The following PGS1 variants were observed in gnomAD, a reference collection of about 807,000 sequenced individuals.
PGS1 encodes phosphatidylglycerophosphate synthase 1.
A neutral mutation model predicts 58.3 loss-of-function variants in PGS1; 44 were observed. The observed-to-expected ratio is 0.75, with a 90% CI of 0.59 to 0.97. PGS1 has a LOEUF of 0.97. Ranked by LOEUF, PGS1 falls within the 50% of genes least tolerant of loss-of-function variation. The pLI, the probability that PGS1 is intolerant of heterozygous loss-of-function variation, is 0.00. For missense variants in PGS1, 684 were observed against 731.1 expected, an observed-to-expected ratio of 0.94 and a Z score of 0.74; for synonymous variants, 330 against 311.0, an observed-to-expected ratio of 1.06 and a Z score of -0.64.
chr17:78,401,878 A>G (rs1390021743), intron 6 of PGS1, among the ~76,000 whole-genome samples: 2 of 152,160 alleles, frequency 1.3e-5, no homozygotes. Flanking sequence ...CTGACCCTTA[A>G]AGAAAATGTG....
At chr17:78,423,211 C>T (rs1157157324) in intron 9 of PGS1, among the ~76,000 whole-genome samples, 3 of 152,138 alleles carry the variant, frequency 2.0e-5, no homozygotes, top group Non-Finnish European at 4.4e-5. Flanking sequence ...TAATTCTCTC[C>T]CCTCGTGCCT....
intron 9 of PGS1, among the ~76,000 whole-genome samples, chr17:78,422,122 T>C (rs1411888598): frequency 6.6e-6 from 1 of 152,234 alleles, no homozygotes; most frequent in East Asian, 1.9e-4. Flanking sequence ...CGTCACATTT[T>C]GTGGTTATTA....
Position 78,419,695 on chromosome 17 carries a change from C to G in PGS1, c.*10+20C>G, listed in dbSNP as rs141200183. On this transcript the variant is annotated intron_variant, in intron 9 of 9. Coordinates refer to ENST00000262764, the MANE Select transcript of PGS1 (RefSeq NM_024419.5). Reference sequence around the variant, plus strand: ...AGACAGGTGCTGTCTCTAGCATCACCTCTCAGCACGATTTTCCCGAGAGTT... The same window carrying G: ...AGACAGGTGCTGTCTCTAGCATCACGTCTCAGCACGATTTTCCCGAGAGTT... 17 of 1,612,054 alleles carry G rather than the reference C, an allele frequency of 1.1e-5. No individual in the cohort carries two copies. Among genetic ancestry groups the G allele is most frequent in the East Asian group, 2.2e-5 (1 of 44,822 alleles).
Position 78,390,457 on chromosome 17 carries a change from C to A in PGS1, c.144-2019C>A, listed in dbSNP as rs1323338942. ...TGGCAGTGAATCGGCAGTGACAGAC[C>A]GGTGGGCTTTCTGGGAAGTGCAGCT... is the stretch of plus-strand genomic sequence containing the variant. On this transcript the variant is annotated intron_variant, in intron 1 of 9. Coordinates refer to ENST00000262764, the MANE Select transcript of PGS1 (RefSeq NM_024419.5). 4.6e-5 allele frequency among the ~76,000 whole-genome samples: 7 copies of A among 152,184 alleles called. 2 individuals are homozygous for A. Among genetic ancestry groups the A allele is most frequent in the Admixed American group, 4.6e-4 (7 of 15,278 alleles).
At chr17:78,386,444 C>T (rs2082390326) in intron 1 of PGS1, among the ~76,000 whole-genome samples, 1 of 152,104 alleles carries the variant, frequency 6.6e-6, no homozygotes, top group South Asian at 2.1e-4. Flanking sequence ...TATCTGACTC[C>T]CCAGCCCCCA....
chr17:78,406,839 C>T (rs547014619), intron 7 of PGS1, among the ~76,000 whole-genome samples: 27 of 152,324 alleles, frequency 1.8e-4, no homozygotes, highest in Middle Eastern at 3.4e-3. Context: ...CTGCACTGTG[C>T]TGGAACGATG....
chr17:78,412,554 C>A (rs989873992), intron 7 of PGS1, among the ~76,000 whole-genome samples: 15 of 152,276 alleles, frequency 9.9e-5, no homozygotes, highest in African/African-American at 3.4e-4. Flanking sequence ...CTCTAGGTGG[C>A]CTCATAAAGA....
chr17:78,399,932 A>G, intron 5 of PGS1: 1 of 257,188 alleles, frequency 3.9e-6, no homozygotes, highest in Non-Finnish European at 7.7e-6. Context: ...AGGCTGATAA[A>G]TATGGGCCCT....
chr17:78,395,373 T>A (rs4969179), intron 2 of PGS1, among the ~76,000 whole-genome samples: 2 of 152,026 alleles, frequency 1.3e-5, no homozygotes, highest in African/African-American at 2.4e-5. Context: ...TCCGGAAGCC[T>A]TTCCTAGTGA....
chr17:78,403,680 T>C lies in PGS1; in HGVS notation c.993T>C (p.Leu331=). ...LHAQTFHSNS[L]LTQEDAAAAG... ...CCCAGACCTTCCACAGCAACTCTCTTTTGACCCAGGAAGATGCAGCAGCTG... is the reference window on the plus strand; with the variant it reads ...CCCAGACCTTCCACAGCAACTCTCTCTTGACCCAGGAAGATGCAGCAGCTG... The change falls in exon 7 of 10, where the codon CTT becomes CTC. Residue 331 remains leucine (L), a synonymous_variant. Coordinates refer to ENST00000262764, the MANE Select transcript of PGS1 (RefSeq NM_024419.5). The C allele has an allele frequency of 6.2e-7, 1 of 1,614,162 alleles. No homozygotes were observed. The highest frequency in any genetic ancestry group is 1.1e-5 in the South Asian group (1 of 91,090).
intron 7 of PGS1, among the ~76,000 whole-genome samples, chr17:78,404,747 T>C (rs2083980976): frequency 6.6e-6 from 1 of 151,950 alleles, no homozygotes; most frequent in Non-Finnish European, 1.5e-5. Context: ...CGCAACCTCC[T>C]CCTCCTGGGT....
At chr17:78,378,955 G>A (rs2081834230) in intron 1 of PGS1, 147 bp downstream of exon 1, 3 of 891,522 alleles carry the variant, frequency 3.4e-6, no homozygotes, top group East Asian at 3.3e-5. Flanking sequence ...GGGGCTCGGC[G>A]CCTGACCTAT....
At chr17:78,383,474 C>T (rs529936586) in intron 1 of PGS1, among the ~76,000 whole-genome samples, 23 of 152,292 alleles carry the variant, frequency 1.5e-4, no homozygotes, top group Admixed American at 2.6e-4. Context: ...GGTCCGCCCA[C>T]CTCAGCCTCC....
In PGS1 at chr17:78,415,032, G is replaced by T. The variant is rs369307937; in HGVS notation, c.1551+5G>T. 8.7e-6 allele frequency: 14 copies of T among 1,611,654 alleles called. No individual in the cohort carries two copies. The highest frequency in any genetic ancestry group is 1.2e-5 in the Non-Finnish European group (14 of 1,179,880). ...CTGCAGCAGCAGCTTCACCAGGTTGGTCGCAGCAAGTGGGATTTCCCAGGG... is the reference window on the plus strand; with the variant it reads ...CTGCAGCAGCAGCTTCACCAGGTTGTTCGCAGCAAGTGGGATTTCCCAGGG... On this transcript the variant is annotated splice_donor_5th_base_variant and intron_variant, in intron 8 of 9. Coordinates refer to ENST00000262764, the MANE Select transcript of PGS1 (RefSeq NM_024419.5).
At chr17:78,401,442 C>G (rs558626590) in intron 6 of PGS1, among the ~76,000 whole-genome samples, 2 of 152,360 alleles carry the variant, frequency 1.3e-5, no homozygotes, top group South Asian at 2.1e-4. Context: ...GCTCTGCCCA[C>G]TGGAACCAGG....
chr17:78,412,847 G>C (rs1041656555), intron 7 of PGS1, among the ~76,000 whole-genome samples: 2 of 152,152 alleles, frequency 1.3e-5, no homozygotes, highest in African/African-American at 4.8e-5. Flanking sequence ...AGAAAAGTTG[G>C]AATGAGCAAT....
At chr17:78,396,406 G>C in intron 3 of PGS1, 21 bp downstream of exon 3, 1 of 1,560,872 alleles carries the variant, frequency 6.4e-7, no homozygotes, top group Non-Finnish European at 8.8e-7. Flanking sequence ...TGGGGAGATG[G>C]TTGTGGCAGC....
In PGS1 at chr17:78,400,155, C is replaced by T; in HGVS notation, c.702-522C>T. On this transcript the variant is annotated intron_variant, in intron 5 of 9. Coordinates refer to ENST00000262764, the MANE Select transcript of PGS1 (RefSeq NM_024419.5). This position sits in a 1 kb window ranked among gnomAD's most constrained non-coding sequence, Gnocchi z 4.4. Reference sequence around the variant, plus strand: ...AATCCCACATTTTGGGAGGCTGAGGCAGAGGGATCACCTGACGTTAGAAGT... The same window carrying T: ...AATCCCACATTTTGGGAGGCTGAGGTAGAGGGATCACCTGACGTTAGAAGT... 5.6e-6 allele frequency: 1 copy of T among 178,410 alleles called. No individual in the cohort carries two copies. Among genetic ancestry groups the T allele is most frequent in the Non-Finnish European group, 1.2e-5 (1 of 84,250 alleles). The allele number at this position is 178,410 out of a possible 1,614,324, so 11.1% of individuals were successfully genotyped here. A position where few individuals can be genotyped will look rare whatever the true frequency, so the allele number is the denominator to read the frequency against.
intron 1 of PGS1, 54 bp downstream of exon 1, chr17:78,378,862 C>T (rs562456832): frequency 6.3e-5 from 85 of 1,353,596 alleles, no homozygotes; most frequent in Admixed American, 4.9e-4. Context: ...AGCCCGGCCC[C>T]CCGGCGCTCA....
Sources: allele counts gnomAD v4.1 joint callset (sites outside exome capture counted in the v4.1 genomes callset), GRCh38; gene constraint gnomAD v4.1.1; non-coding constraint Gnocchi (gnomAD v3.1); transcripts MANE v1.5; gene names NCBI Gene and HGNC (gene_info 2026-07-23, HGNC 2026-07-21).